The following ERBIN variants were observed in gnomAD, a reference collection of about 807,000 sequenced individuals.
ERBIN encodes densin-180-like protein.
ERBIN carries 60 observed loss-of-function variants against 158.4 expected under a neutral mutation model. The observed-to-expected ratio is 0.38, with a 90% CI of 0.31 to 0.47. The LOEUF (loss-of-function observed/expected upper bound fraction) is 0.47. Among genes scored for constraint, ERBIN ranks in the 20% least tolerant of loss-of-function variants. The pLI is 0.99. For missense variants in ERBIN, 1,610 were observed against 1,648.0 expected (o/e 0.98, Z 0.40); for synonymous variants, 594 against 557.2 (o/e 1.07, Z -0.93).
chr5:66,018,533 T>A (rs7724720), intron 7 of ERBIN, among the ~76,000 whole-genome samples: 732 of 4,058 alleles, frequency 0.18, 236 homozygotes, highest in African/African-American at 0.36. Flanking sequence ...TATATTATAT[T>A]ATATAATATA....
chr5:65,966,433 C>T (rs1172813757), intron 1 of ERBIN, among the ~76,000 whole-genome samples: 1 of 152,092 alleles, frequency 6.6e-6, no homozygotes, highest in Non-Finnish European at 1.5e-5. Context: ...GTAATCCCAG[C>T]ACTTTGGGAG....
chr5:65,986,396 G>C (rs1751240999), intron 1 of ERBIN, among the ~76,000 whole-genome samples: 1 of 152,204 alleles, frequency 6.6e-6, no homozygotes, highest in Non-Finnish European at 1.5e-5. Flanking sequence ...AGAAGATTTG[G>C]TGGCCAGCTT....
chr5:66,023,067 T>A, intron 8 of ERBIN: 1 of 398,608 alleles, frequency 2.5e-6, no homozygotes, highest in East Asian at 4.3e-5. Context: ...TCTCTTTGAT[T>A]TCTCCATTAA....
chr5:65,949,169 C>A (rs1179194428), intron 1 of ERBIN, among the ~76,000 whole-genome samples: 1 of 152,054 alleles, frequency 6.6e-6, no homozygotes. Context: ...CTTTCTTCTC[C>A]ACAAGGGCTA....
At chr5:65,982,855 A>G (rs1332230630) in intron 1 of ERBIN, among the ~76,000 whole-genome samples, 1 of 152,214 alleles carries the variant, frequency 6.6e-6, no homozygotes, top group African/African-American at 2.4e-5. Context: ...GTGTTCTTAT[A>G]ACGCTTGTAC....
rs1755127944 is a variant in ERBIN, at chr5:66,018,491, ATT to A, written c.534-2830_534-2829del. ...ATATATATTATATATTATATATTAT[ATT>A]ATATAATATATATTATATATTATAT... On this transcript the variant is annotated intron_variant, in intron 7 of 25. Transcript: ENST00000284037. Among the ~76,000 whole-genome samples, 2 of 14,040 alleles carry A rather than the reference ATT, an allele frequency of 1.4e-4. 1 individual carries two copies. The allele number at this position is 14,040 out of a possible 152,430, so 9.2% of individuals were successfully genotyped here. A position where few individuals can be genotyped will look rare whatever the true frequency, so the allele number is the denominator to read the frequency against.
At position 65,941,951 on chromosome 5, in the gene ERBIN, A is replaced by G. The variant is rs189502916; in HGVS notation, c.-58+15145A>G. On this transcript the variant is annotated intron_variant, in intron 1 of 25. Transcript: ENST00000284037. ...GAGATGGGGTTTCACCATGTTAGCC[A>G]GGATGGTCTCGATCTCCTGACCTCG... is the stretch of plus-strand genomic sequence containing the variant. Among the ~76,000 whole-genome samples the G allele has an allele frequency of 7.3e-4, 111 of 152,302 alleles. 2 individuals carry two copies. The highest frequency in any genetic ancestry group is 6.8e-3 in the Middle Eastern group (2 of 294).
intron 1 of ERBIN, chr5:65,984,847 C>T (rs1189088573): frequency 6.6e-6 from 1 of 151,700 alleles, no homozygotes; most frequent in Non-Finnish European, 1.5e-5. Flanking sequence ...GAAAAAAAAT[C>T]TAGCCAGGTA....
In ERBIN at chr5:66,019,267, A is replaced by G. The variant is rs74636092; in HGVS notation, c.534-2055A>G. Reference sequence around the variant, plus strand: ...AGAGGATATAGTTTTAAGTATTACAAAGTCATGTGCATTTAGGTTATATGA... The same window carrying G: ...AGAGGATATAGTTTTAAGTATTACAGAGTCATGTGCATTTAGGTTATATGA... On this transcript the variant is annotated intron_variant, in intron 7 of 25. Transcript: ENST00000284037. 2.2e-3 allele frequency among the ~76,000 whole-genome samples: 329 copies of G among 152,318 alleles called. 2 individuals are homozygous for G. The highest frequency in any genetic ancestry group is 7.7e-3 in the African/African-American group (321 of 41,574).
chr5:66,023,398 TTTCTGGCTC>T, intron 9 of ERBIN, 34 bp downstream of exon 9: 1 of 1,415,156 alleles, frequency 7.1e-7, no homozygotes, highest in Non-Finnish European at 9.9e-7. Context: ...GCATCACTTA[TTTCTGGCTC>T]TCCTTTGCAG....
intron 1 of ERBIN, among the ~76,000 whole-genome samples, chr5:65,970,303 C>T (rs573490873): frequency 6.6e-6 from 1 of 152,218 alleles, no homozygotes; most frequent in African/African-American, 2.4e-5. Flanking sequence ...GACTATGTCC[C>T]TCCTTTGCTT....
chr5:65,942,420 A>G (rs1404641336), intron 1 of ERBIN, among the ~76,000 whole-genome samples: 2 of 152,202 alleles, frequency 1.3e-5, no homozygotes, highest in Non-Finnish European at 2.9e-5. Context: ...GGGCTCATCT[A>G]AGTGAGGAAA....
intron 4 of ERBIN, among the ~76,000 whole-genome samples, chr5:66,007,855 TAGC>T (rs970018943): frequency 1.3e-5 from 2 of 152,214 alleles, no homozygotes; most frequent in Admixed American, 6.5e-5. Flanking sequence ...TGAAAATTCT[TAGC>T]AGCAGCTAAG....
At position 65,988,115 on chromosome 5, in the gene ERBIN, A is replaced by T. The variant is rs375996214; in HGVS notation, c.-57-520A>T. ...GCTGGGTGCAGTGTCTCACGTTTGTAATCCCAGCACTTTGGGAGACTGAGG... is the reference window on the plus strand; with the variant it reads ...GCTGGGTGCAGTGTCTCACGTTTGTTATCCCAGCACTTTGGGAGACTGAGG... On this transcript the variant is annotated intron_variant, in intron 1 of 25. Coordinates refer to ENST00000284037, the MANE Select transcript of ERBIN (RefSeq NM_001253697.2). 4.6e-5 allele frequency among the ~76,000 whole-genome samples: 7 copies of T among 152,334 alleles called. 1 individual carries two copies. In the East Asian group the frequency reaches 9.6e-4, roughly 21 times the overall value.
At chr5:65,932,025 T>A (rs2150838333) in intron 1 of ERBIN, among the ~76,000 whole-genome samples, 1 of 151,550 alleles carries the variant, frequency 6.6e-6, no homozygotes, top group East Asian at 1.9e-4. Flanking sequence ...TCCACGTTGG[T>A]CAGGCTGGTC....
intron 1 of ERBIN, among the ~76,000 whole-genome samples, chr5:65,963,925 G>A (rs952786591): frequency 1.3e-5 from 2 of 151,462 alleles, no homozygotes; most frequent in African/African-American, 4.9e-5. Context: ...TCAGCTTCCC[G>A]AGTAGCTGGG....
Position 66,043,288 on chromosome 5 carries a change from C to T in ERBIN, c.1428+90C>T, listed in dbSNP as rs1580444568. 6 of 1,303,396 alleles carry T rather than the reference C, an allele frequency of 4.6e-6. No homozygotes were observed. In the East Asian group the frequency reaches 1.4e-4, roughly 31 times the overall value. 80.7% of individuals were successfully genotyped at this position (1,303,396 alleles called of 1,614,324 possible). On this transcript the variant is annotated intron_variant, in intron 16 of 25. Coordinates refer to ENST00000284037, the MANE Select transcript of ERBIN (RefSeq NM_001253697.2). ...TATACTATGATGTCTGGGGATATAA[C>T]AAAGTATTGAATTTATTCCTTGTCC...
intron 21 of ERBIN, among the ~76,000 whole-genome samples, chr5:66,070,520 GT>G (rs35132302): frequency 0.032 from 4,798 of 151,040 alleles, 269 homozygotes; most frequent in African/African-American, 0.11. Context: ...TTTTGTGCTT[GT>G]TTTTTTTTAA....
chr5:66,044,081 T>G, intron 16 of ERBIN, 56 bp from the exon 17 acceptor site: 3 of 1,321,180 alleles, frequency 2.3e-6, no homozygotes, highest in Non-Finnish European at 3.0e-6. Flanking sequence ...AAATTTTGTT[T>G]GAGATTGACA....
Sources: allele counts gnomAD v4.1 joint callset (sites outside exome capture counted in the v4.1 genomes callset), GRCh38; gene constraint gnomAD v4.1.1; transcripts MANE v1.5; gene names NCBI Gene and HGNC (gene_info 2026-07-23, HGNC 2026-07-21).